PRRC2B: variants seen among roughly 807,000 people sequenced by gnomAD.
The protein encoded by PRRC2B is protein PRRC2B.
A neutral mutation model predicts 242.3 loss-of-function variants in PRRC2B; 68 were observed. The ratio of observed to expected loss-of-function variants is 0.28; its 90% CI spans 0.23 to 0.34. The LOEUF (loss-of-function observed/expected upper bound fraction) is 0.34. Ranked by LOEUF, PRRC2B falls within the 10% of genes least tolerant of loss-of-function variation. The pLI is 1.00. For synonymous variants in PRRC2B, 1,228 were observed against 1,173.6 expected (o/e 1.05, Z -0.95); for missense variants, 2,835 against 2,954.8 (o/e 0.96, Z 0.94).
chr9:131,455,706 G>A (rs1360360429), intron 10 of PRRC2B, among the ~76,000 whole-genome samples: 1 of 151,862 alleles, frequency 6.6e-6, no homozygotes, highest in Non-Finnish European at 1.5e-5. Context: ...GCTGGAGATG[G>A]GGTTTGCCAC....
Position 131,477,952 on chromosome 9 carries a change from A to C in PRRC2B, c.4612+3A>C, listed in dbSNP as rs745701103. The C allele has an allele frequency of 1.2e-6, 2 of 1,613,082 alleles. No homozygotes were observed. The highest frequency in any genetic ancestry group is 2.2e-5 in the South Asian group (2 of 91,064). On this transcript the variant is annotated splice_donor_region_variant and intron_variant, in intron 17 of 31. Transcript: ENST00000683519. ...ACAGTTTGACCTGAACTATGGAAGT[A>C]AGTCATCCTCATATCTTCAGGGGAA...
At position 131,494,655 on chromosome 9, in the gene PRRC2B, C is replaced by CGAA. The variant is rs1944282478; in HGVS notation, c.6555+171_6555+173dup. ...GCTGGGCCGCCCGCGTCCCTCCTGG[C>CGAA]GAAGGCATTTCTCCTCTTGACGGGC... On this transcript the variant is annotated intron_variant, in intron 31 of 31. Coordinates refer to ENST00000683519, the MANE Select transcript of PRRC2B (RefSeq NM_013318.4). The surrounding 1 kb of genome is among the most constrained non-coding windows in gnomAD (Gnocchi z 4.3). 6.6e-6 allele frequency among the ~76,000 whole-genome samples: 1 copy of CGAA among 152,206 alleles called. No homozygotes were observed. Among genetic ancestry groups the CGAA allele is most frequent in the African/African-American group, 2.4e-5 (1 of 41,448 alleles).
chr9:131,425,087 G>C (rs1368314768), intron 1 of PRRC2B, among the ~76,000 whole-genome samples: 3 of 152,076 alleles, frequency 2.0e-5, no homozygotes, highest in Non-Finnish European at 4.4e-5. Context: ...CTGCCTTCAA[G>C]TGATTCTCCT....
chr9:131,412,395 A>G (rs939153476), intron 1 of PRRC2B, among the ~76,000 whole-genome samples: 1 of 152,156 alleles, frequency 6.6e-6, no homozygotes, highest in Non-Finnish European at 1.5e-5. Flanking sequence ...GGTTATGTGG[A>G]TGTAATTATC....
chr9:131,445,448 C>T lies in PRRC2B; in HGVS notation c.614-953C>T, dbSNP rs371136419. On this transcript the variant is annotated intron_variant, in intron 6 of 31. Coordinates refer to ENST00000683519, the MANE Select transcript of PRRC2B (RefSeq NM_013318.4). ...TGCTGGGATTACAGGCGTGAGCCAC[C>T]GCGCCCAGCCTGTTTGCATCATTTT... 1.4e-4 allele frequency among the ~76,000 whole-genome samples: 22 copies of T among 152,308 alleles called. No homozygotes were observed. In the South Asian group the frequency reaches 3.9e-3, roughly 27 times the overall value.
intron 1 of PRRC2B, among the ~76,000 whole-genome samples, chr9:131,398,836 G>A (rs1837139715): frequency 6.6e-6 from 1 of 152,054 alleles, no homozygotes; most frequent in Non-Finnish European, 1.5e-5. Context: ...AAATTAGTAG[G>A]GTATAGTGGC....
chr9:131,495,557 G>A (rs1378981147), intron 31 of PRRC2B, among the ~76,000 whole-genome samples, 183 bp from the exon 32 acceptor site: 1 of 152,004 alleles, frequency 6.6e-6, no homozygotes, highest in African/African-American at 2.4e-5. Flanking sequence ...GAGCAGAGAC[G>A]GCACTCGCGC....
chr9:131,450,531 C>T (rs764305809), intron 9 of PRRC2B, among the ~76,000 whole-genome samples: 4 of 150,832 alleles, frequency 2.7e-5, no homozygotes, highest in African/African-American at 4.9e-5. Flanking sequence ...TCCCAAAGTG[C>T]TGGGATTACA....
At chr9:131,466,197 A>G (rs1032484253) in intron 12 of PRRC2B, among the ~76,000 whole-genome samples, 3 of 152,260 alleles carry the variant, frequency 2.0e-5, no homozygotes, top group African/African-American at 4.8e-5. Context: ...TTCTCGGGTT[A>G]GAGAGTCCTA....
chr9:131,465,466 G>A (rs1405439289), intron 12 of PRRC2B, among the ~76,000 whole-genome samples: 2 of 152,132 alleles, frequency 1.3e-5, no homozygotes, highest in African/African-American at 4.8e-5. Flanking sequence ...TTCTTCATCT[G>A]TGAAATGGGA....
intron 1 of PRRC2B, among the ~76,000 whole-genome samples, chr9:131,420,222 T>G (rs1255133803): frequency 1.3e-5 from 2 of 152,066 alleles, no homozygotes; most frequent in Non-Finnish European, 2.9e-5. Context: ...ACTCTGTGGT[T>G]TCCTCAAACC....
chr9:131,464,616 C>A, intron 11 of PRRC2B, 147 bp from the exon 12 acceptor site: 1 of 707,984 alleles, frequency 1.4e-6, no homozygotes, highest in Non-Finnish European at 2.3e-6. Flanking sequence ...GAGCAGGATT[C>A]GAACCCAGCT....
intron 6 of PRRC2B, among the ~76,000 whole-genome samples, chr9:131,444,916 G>C (rs1463882485): frequency 6.6e-6 from 1 of 152,140 alleles, no homozygotes; most frequent in Non-Finnish European, 1.5e-5. Flanking sequence ...AGGTTAAGGT[G>C]GTGTTTAGGA....
chr9:131,465,794 T>C (rs1463234473), intron 12 of PRRC2B, among the ~76,000 whole-genome samples: 1 of 152,206 alleles, frequency 6.6e-6, no homozygotes, highest in East Asian at 1.9e-4. Flanking sequence ...GTGTGATCTC[T>C]GCTCACTGCA....
Position 131,454,116 on chromosome 9 carries a change from A to C in PRRC2B, c.1121-960A>C, listed in dbSNP as rs118122065. 5.8e-3 allele frequency among the ~76,000 whole-genome samples: 888 copies of C among 152,336 alleles called. 29 individuals are homozygous for C. In the East Asian group the frequency reaches 0.072, roughly 12 times the overall value. ...TATTCTGGACATTTCCTATCAATGGAATCAATATGTGGCCTTTCTTGTCTG... is the reference window on the plus strand; with the variant it reads ...TATTCTGGACATTTCCTATCAATGGCATCAATATGTGGCCTTTCTTGTCTG... On this transcript the variant is annotated intron_variant, in intron 9 of 31. Coordinates refer to ENST00000683519, the MANE Select transcript of PRRC2B (RefSeq NM_013318.4).
At chr9:131,489,409 T>C (rs1036995881) in intron 28 of PRRC2B, among the ~76,000 whole-genome samples, 2 of 152,106 alleles carry the variant, frequency 1.3e-5, no homozygotes, top group African/African-American at 4.8e-5. Context: ...CTCGAACTGC[T>C]GACCTCAGTG....
chr9:131,411,213 C>T (rs572005384), intron 1 of PRRC2B, among the ~76,000 whole-genome samples: 11 of 151,852 alleles, frequency 7.2e-5, no homozygotes, highest in African/African-American at 1.4e-4. Flanking sequence ...GCCGAGATCA[C>T]GCCACTGTAC....
At position 131,473,497 on chromosome 9, in the gene PRRC2B, G is replaced by C. The variant is rs754883243; in HGVS notation, c.2108-11G>C. 2.1e-5 allele frequency: 33 copies of C among 1,576,748 alleles called. No homozygotes were observed. The highest frequency in any genetic ancestry group is 2.8e-5 in the Non-Finnish European group (32 of 1,158,232). ...AATGAGATGATGTAGATCAGTCTTT[G>C]CCTTCTTCAGGACTGATGAAGCCCA... On this transcript the variant is annotated splice_polypyrimidine_tract_variant and intron_variant, in intron 14 of 31. Transcript: ENST00000683519.
intron 1 of PRRC2B, among the ~76,000 whole-genome samples, chr9:131,412,417 C>G (rs778857026): frequency 2.0e-5 from 3 of 152,214 alleles, no homozygotes; most frequent in Non-Finnish European, 2.9e-5. Flanking sequence ...ATGTGACAGA[C>G]TGAGCTCATT....
Sources: allele counts gnomAD v4.1 joint callset (sites outside exome capture counted in the v4.1 genomes callset), GRCh38; gene constraint gnomAD v4.1.1; non-coding constraint Gnocchi (gnomAD v3.1); transcripts MANE v1.5; gene names NCBI Gene and HGNC (gene_info 2026-07-23, HGNC 2026-07-21).